COMMD1: variants seen among roughly 807,000 people sequenced by gnomAD.
COMMD1 encodes the protein copper metabolism domain containing 1.
COMMD1 carries 10 observed loss-of-function variants against 17.2 expected under a neutral mutation model. The observed-to-expected ratio is 0.58, with a 90% CI of 0.36 to 0.99. The LOEUF (loss-of-function observed/expected upper bound fraction) is 0.99. Ranked by LOEUF, COMMD1 falls within the 50% of genes least tolerant of loss-of-function variation. COMMD1 has a pLI of 0.01. For synonymous variants in COMMD1, 97 were observed against 91.6 expected, an observed-to-expected ratio of 1.06 and a Z score of -0.34; for missense variants, 270 against 231.8, an observed-to-expected ratio of 1.17 and a Z score of -1.07.
chr2:62,013,729 A>T (rs1366400378), intron 2 of COMMD1, among the ~76,000 whole-genome samples: 1 of 152,326 alleles, frequency 6.6e-6, no homozygotes, highest in Non-Finnish European at 1.5e-5. Flanking sequence ...AATTGGGGGT[A>T]ACACCTTGTT....
rs397749456 is a variant in COMMD1 at position 62,128,347 on chromosome 2, A to AC, written c.463-7483dup. 2.0e-5 allele frequency among the ~76,000 whole-genome samples: 3 copies of AC among 151,490 alleles called. No homozygotes were observed. In the East Asian group the frequency reaches 5.8e-4, roughly 29 times the overall value. ...TGTCTAAAAAAAAGAAAAAAAAAAA[A>AC]CAAAAAAACTCAAGATGAATTAAAG... On this transcript the variant is annotated intron_variant, in intron 2 of 2. Coordinates refer to ENST00000311832, the MANE Select transcript of COMMD1 (RefSeq NM_152516.4).
chr2:62,040,000 A>G (rs550646544), intron 2 of COMMD1, among the ~76,000 whole-genome samples: 1 of 152,346 alleles, frequency 6.6e-6, no homozygotes, highest in South Asian at 2.1e-4. Flanking sequence ...TTATGCCTGT[A>G]ATCCCAGCAC....
intron 1 of COMMD1, among the ~76,000 whole-genome samples, chr2:61,984,945 A>G (rs1672062270): frequency 6.8e-6 from 1 of 146,764 alleles, no homozygotes; most frequent in Non-Finnish European, 1.5e-5. Flanking sequence ...CTTGAAATCC[A>G]TTTTATCTGA....
At chr2:61,941,614 A>G (rs547653298) in intron 1 of COMMD1, among the ~76,000 whole-genome samples, 1 of 152,266 alleles carries the variant, frequency 6.6e-6, no homozygotes, top group African/African-American at 2.4e-5. Context: ...TCTCAGGGCA[A>G]ACCTTACAGT....
chr2:62,042,654 C>G (rs1670262337), intron 2 of COMMD1, among the ~76,000 whole-genome samples: 1 of 152,224 alleles, frequency 6.6e-6, no homozygotes. Flanking sequence ...CCTCAGCCAG[C>G]CCCGGCGACG....
At chr2:62,133,560 A>G (rs1673103521) in intron 2 of COMMD1, among the ~76,000 whole-genome samples, 1 of 152,176 alleles carries the variant, frequency 6.6e-6, no homozygotes, top group Admixed American at 6.6e-5. Context: ...AAAAAAAAAA[A>G]AAAGAAAATC....
intron 2 of COMMD1, among the ~76,000 whole-genome samples, chr2:62,011,495 G>A (rs1054839284): frequency 6.6e-6 from 1 of 152,076 alleles, no homozygotes; most frequent in Non-Finnish European, 1.5e-5. Context: ...CATTTAAGAG[G>A]ACAAAGATTT....
At chr2:62,046,272 G>A (rs1438203245) in intron 2 of COMMD1, among the ~76,000 whole-genome samples, 2 of 152,218 alleles carry the variant, frequency 1.3e-5, no homozygotes, top group Admixed American at 6.5e-5. Flanking sequence ...GCTAAAAATA[G>A]TTCTATGCTA....
At chr2:62,009,067 A>G (rs1188414464) in intron 2 of COMMD1, among the ~76,000 whole-genome samples, 1 of 152,150 alleles carries the variant, frequency 6.6e-6, no homozygotes, top group Admixed American at 6.6e-5. Context: ...TACAGGTGTG[A>G]GCCACCGGGC....
intron 2 of COMMD1, among the ~76,000 whole-genome samples, chr2:62,097,355 G>A (rs1481973077): frequency 6.6e-6 from 1 of 152,150 alleles, no homozygotes; most frequent in Non-Finnish European, 1.5e-5. Context: ...CAGGGGTTTG[G>A]ATTTACTTAG....
At chr2:62,135,552 C>T (rs895081574) in intron 2 of COMMD1, among the ~76,000 whole-genome samples, 7 of 151,956 alleles carry the variant, frequency 4.6e-5, no homozygotes, top group African/African-American at 1.2e-4. Context: ...GGGGTTTCAC[C>T]GTGTTAGCCA....
intron 1 of COMMD1, among the ~76,000 whole-genome samples, chr2:61,915,257 T>C (rs1240466615): frequency 6.6e-6 from 1 of 152,042 alleles, no homozygotes; most frequent in Non-Finnish European, 1.5e-5. Flanking sequence ...CCGCCTGCCT[T>C]GGCCCCACTA....
chr2:61,972,147 T>C (rs377736640), intron 1 of COMMD1, among the ~76,000 whole-genome samples: 13 of 152,204 alleles, frequency 8.5e-5, no homozygotes, highest in South Asian at 6.2e-4. Flanking sequence ...ACTGGTGAGA[T>C]AAATAATTCT....
chr2:61,911,138 A>G (rs1669895824), intron 1 of COMMD1, among the ~76,000 whole-genome samples: 1 of 150,644 alleles, frequency 6.6e-6, no homozygotes, highest in South Asian at 2.1e-4. Flanking sequence ...GTTGTCTATT[A>G]CTAATTCATA....
intron 2 of COMMD1, among the ~76,000 whole-genome samples, chr2:62,030,396 G>A (rs988672552): frequency 2.0e-5 from 3 of 152,220 alleles, no homozygotes; most frequent in African/African-American, 4.8e-5. Context: ...TAGCTTCTGC[G>A]GCTGCTTCTG....
chr2:62,018,660 T>C (rs1669521160), intron 2 of COMMD1, among the ~76,000 whole-genome samples: 1 of 152,242 alleles, frequency 6.6e-6, no homozygotes, highest in Admixed American at 6.5e-5. Flanking sequence ...CATTATGAAA[T>C]GACCTTGACA....
chr2:61,955,622 T>G (rs1209874993), intron 1 of COMMD1, among the ~76,000 whole-genome samples: 1 of 152,194 alleles, frequency 6.6e-6, no homozygotes, highest in African/African-American at 2.4e-5. Context: ...ACTTTTTGTC[T>G]TTGATTCATT....
chr2:61,949,597 C>CT (rs1444056858), intron 1 of COMMD1, among the ~76,000 whole-genome samples: 2 of 152,126 alleles, frequency 1.3e-5, no homozygotes, highest in Non-Finnish European at 2.9e-5. Context: ...AAATAAAAAT[C>CT]TTTTTTGCTG....
At chr2:61,916,805 T>C (rs1010789616) in intron 1 of COMMD1, among the ~76,000 whole-genome samples, 3 of 152,200 alleles carry the variant, frequency 2.0e-5, no homozygotes, top group Non-Finnish European at 2.9e-5. Flanking sequence ...ATTAGGAATT[T>C]AGTCCATTTG....
Sources: gnomAD v4.1 joint callset for allele counts (sites outside exome capture counted in the v4.1 genomes callset) on GRCh38, gnomAD v4.1.1 for gene constraint, MANE v1.5 for transcripts, NCBI Gene and HGNC (gene_info 2026-07-23, HGNC 2026-07-21) for gene names.